RSPH6A: variants seen among roughly 807,000 people sequenced by gnomAD.
RSPH6A encodes the protein radial spoke head 6 homolog A.
RSPH6A carries 49 observed loss-of-function variants against 66.1 expected under a neutral mutation model. That is an observed-to-expected ratio of 0.74 (90% CI 0.59 to 0.94). The LOEUF (loss-of-function observed/expected upper bound fraction) is 0.94. Ranked by LOEUF, RSPH6A falls within the 40% of genes least tolerant of loss-of-function variation. The pLI is 0.00. For synonymous variants in RSPH6A, 419 were observed against 402.4 expected, an observed-to-expected ratio of 1.04 and a Z score of -0.49; for missense variants, 977 against 948.3, an observed-to-expected ratio of 1.03 and a Z score of -0.40.
chr19:45,798,199 A>T (rs540007651), intron 5 of RSPH6A, among the ~76,000 whole-genome samples: 3 of 151,770 alleles, frequency 2.0e-5, no homozygotes, highest in Non-Finnish European at 4.4e-5. Flanking sequence ...TCTCTACTAA[A>T]AATACAAAAA....
chr19:45,798,893 C>T (rs542901796), intron 5 of RSPH6A, among the ~76,000 whole-genome samples: 48 of 148,834 alleles, frequency 3.2e-4, no homozygotes, highest in Non-Finnish European at 5.8e-4. Flanking sequence ...AATGGGTGGA[C>T]ACAGATTGGG....
At chr19:45,798,778 G>A (rs1172162858) in intron 5 of RSPH6A, among the ~76,000 whole-genome samples, 2 of 151,446 alleles carry the variant, frequency 1.3e-5, no homozygotes, top group Non-Finnish European at 2.9e-5. Context: ...GGCGGAGGTT[G>A]CAGTGAGCCG....
Position 45,795,860 on chromosome 19 carries a change from G to A in RSPH6A, c.*9C>T, listed in dbSNP as rs1216545800. ...TACCTGCTTGGGGAAAGTGGCTAGA[G>A]GGTGGGCCTCAGTCATCTGTCTCCT... On this transcript the variant is annotated 3_prime_UTR_variant, in exon 6 of 6. Coordinates refer to ENST00000221538, the MANE Select transcript of RSPH6A (RefSeq NM_030785.4). 6.9e-7 allele frequency: 1 copy of A among 1,441,992 alleles called. No individual in the cohort carries two copies. Among genetic ancestry groups the A allele is most frequent in the Admixed American group, 1.9e-5 (1 of 52,980 alleles). 89.3% of individuals were successfully genotyped at this position (1,441,992 alleles called of 1,614,324 possible).
At chr19:45,799,092 T>G (rs1013249953) in intron 5 of RSPH6A, among the ~76,000 whole-genome samples, 2 of 152,194 alleles carry the variant, frequency 1.3e-5, no homozygotes, top group Non-Finnish European at 2.9e-5. Flanking sequence ...CAGGAATGTG[T>G]TAAAGTATCC....
At chr19:45,801,513 C>T (rs937504283) in intron 4 of RSPH6A, among the ~76,000 whole-genome samples, 2 of 152,180 alleles carry the variant, frequency 1.3e-5, no homozygotes, top group African/African-American at 4.8e-5. Flanking sequence ...GTAATCCCAG[C>T]ACTTTGGGAG....
intron 2 of RSPH6A, among the ~76,000 whole-genome samples, chr19:45,807,701 G>A (rs1247501608): frequency 6.6e-6 from 1 of 152,020 alleles, no homozygotes; most frequent in Admixed American, 6.6e-5. Context: ...AGTAGAGACA[G>A]GGTTTCACCA....
Position 45,804,421 on chromosome 19 carries a change from C to G in RSPH6A, c.1484G>C (p.Ser495Thr). The change falls in exon 3 of 6, where the codon AGC (serine) becomes ACC (threonine). Residue 495 changes from serine to threonine, a missense_variant. Transcript: ENST00000221538. The surrounding 1 kb of genome is among the most constrained non-coding windows in gnomAD (Gnocchi z 5.8). ...ACTAAACTGGTAGAAGCCCAGCGGG[C>G]TGACCTGCGTGGCGGCCGAGATGCG... Reference protein sequence around the residue: ...IARISAATQVSPLGFYQFSEE... With the variant: ...IARISAATQVTPLGFYQFSEE... The G allele has an allele frequency of 6.2e-7, 1 of 1,614,122 alleles. No individual in the cohort carries two copies. Among genetic ancestry groups the G allele is most frequent in the South Asian group, 1.1e-5 (1 of 91,082 alleles).
At chr19:45,813,673 G>C (rs1041589887) in intron 1 of RSPH6A, among the ~76,000 whole-genome samples, 68 of 152,142 alleles carry the variant, frequency 4.5e-4, no homozygotes, top group African/African-American at 1.4e-3. Context: ...GTGTTCCCTA[G>C]CCCTCTTAGC....
At chr19:45,801,347 G>A (rs1156858807) in intron 4 of RSPH6A, among the ~76,000 whole-genome samples, 1 of 152,192 alleles carries the variant, frequency 6.6e-6, no homozygotes, top group African/African-American at 2.4e-5. Flanking sequence ...AAGGGCACAG[G>A]CTGGCAGGAT....
intron 2 of RSPH6A, among the ~76,000 whole-genome samples, chr19:45,805,696 A>G (rs1970535187): frequency 1.9e-5 from 1 of 51,780 alleles, no homozygotes; most frequent in East Asian, 6.1e-4. Flanking sequence ...CCACTCAAAA[A>G]AAAAGAGAAA....
rs1445051818 is a variant in RSPH6A, at chr19:45,815,282, C to G, written c.-106G>C. The stretch of plus-strand genomic sequence containing the variant: ...GGTTTCTGAGCACCGAGAGAGGGGG[C>G]CGTTACCCGTGGAGGGCGCGGGGAG... On this transcript the variant is annotated 5_prime_UTR_variant, in exon 1 of 6. Coordinates refer to ENST00000221538, the MANE Select transcript of RSPH6A (RefSeq NM_030785.4). The G allele has an allele frequency of 2.3e-6, 3 of 1,299,114 alleles. No individual in the cohort carries two copies. Among genetic ancestry groups the G allele is most frequent in the Non-Finnish European group, 1.0e-6 (1 of 972,552 alleles). The allele number at this position is 1,299,114 out of a possible 1,614,324, so 80.5% of individuals were successfully genotyped here.
At chr19:45,814,056 G>A (rs1970664775) in intron 1 of RSPH6A, among the ~76,000 whole-genome samples, 1 of 152,136 alleles carries the variant, frequency 6.6e-6, no homozygotes, top group South Asian at 2.1e-4. Flanking sequence ...CTACTCGGGA[G>A]GCTGAAGCAG....
At position 45,802,261 on chromosome 19, in the gene RSPH6A, G is replaced by A. The variant is rs367835725; in HGVS notation, c.1657C>T (p.Arg553Cys). Residue 553 changes from arginine (R) to cysteine (C), a missense_variant, in exon 4 of 6, where the codon CGC (arginine) becomes TGC (cysteine). By Grantham distance (180) the Arg-to-Cys change is radical. Coordinates refer to ENST00000221538, the MANE Select transcript of RSPH6A (RefSeq NM_030785.4). ...HHTQHILPQG[R>C]CTWVNPLQKT... ...TGCAAAGGGTTCACCCAAGTGCAGC[G>A]GCCCTGGGGGTGGGGGGAAGCTCAG... The A allele has an allele frequency of 1.9e-5, 27 of 1,392,836 alleles. No homozygotes were observed. The highest frequency in any genetic ancestry group is 5.7e-5 in the East Asian group (2 of 35,016). 86.3% of individuals were successfully genotyped at this position (1,392,836 alleles called of 1,614,324 possible).
intron 3 of RSPH6A, among the ~76,000 whole-genome samples, chr19:45,803,649 C>T (rs1234396313): frequency 2.6e-5 from 4 of 151,192 alleles, no homozygotes; most frequent in Non-Finnish European, 5.9e-5. Context: ...TGTACTCCAG[C>T]CTGGGCAACA....
intron 1 of RSPH6A, among the ~76,000 whole-genome samples, chr19:45,811,795 CAG>C (rs1651470693): frequency 1.5e-5 from 2 of 131,932 alleles, no homozygotes; most frequent in South Asian, 2.5e-4. Context: ...TTATTAGAGA[CAG>C]AGTTTTGCTT....
chr19:45,802,082 C>A, intron 4 of RSPH6A, 38 bp downstream of exon 4: 1 of 1,363,820 alleles, frequency 7.3e-7, no homozygotes, highest in East Asian at 2.8e-5. Context: ...CCCAGCCCTC[C>A]CCAGCCAGTG....
At chr19:45,805,163 G>A (rs906883841) in intron 2 of RSPH6A, 147 bp from the exon 3 acceptor site, 22 of 647,998 alleles carry the variant, frequency 3.4e-5, no homozygotes, top group South Asian at 1.9e-4. Flanking sequence ...TTGAAAGGCC[G>A]AGGCTGGCTG....
intron 5 of RSPH6A, 118 bp from the exon 6 acceptor site, chr19:45,796,224 A>T (rs1204947585): frequency 1.4e-6 from 1 of 690,382 alleles, no homozygotes; most frequent in East Asian, 3.0e-5. Flanking sequence ...TGTGATCTCG[A>T]CTTACTGCAA....
rs568692064 is a variant in RSPH6A, at chr19:45,808,378, G to A, written c.888+2225C>T. On this transcript the variant is annotated intron_variant, in intron 2 of 5. Coordinates refer to ENST00000221538, the MANE Select transcript of RSPH6A (RefSeq NM_030785.4). ...GGAGGCAGAGGTTGCAGTGAGCTGA[G>A]ATCGTGCCACTGCACTCCAGCCTGG... Among the ~76,000 whole-genome samples the A allele has an allele frequency of 4.8e-4, 73 of 152,190 alleles. 1 individual carries two copies. The South Asian group carries it at 0.014, about 29-fold the overall frequency.
Sources: allele counts gnomAD v4.1 joint callset (sites outside exome capture counted in the v4.1 genomes callset), GRCh38; gene constraint gnomAD v4.1.1; non-coding constraint Gnocchi (gnomAD v3.1); transcripts MANE v1.5; gene names NCBI Gene and HGNC (gene_info 2026-07-23, HGNC 2026-07-21).